Variants in IGHMBP2 observed in about 807,000 individuals in gnomAD.
IGHMBP2 encodes immunoglobulin mu DNA binding protein 2.
A neutral mutation model predicts 96.0 loss-of-function variants in IGHMBP2; 81 were observed. The ratio of observed to expected loss-of-function variants is 0.84; its 90% CI spans 0.71 to 1.01. The LOEUF is 1.01. IGHMBP2 is among the 50% of genes least tolerant of loss of function. The pLI is 0.00. For synonymous variants in IGHMBP2, 557 were observed against 548.9 expected, an observed-to-expected ratio of 1.01 and a Z score of -0.21; for missense variants, 1,227 against 1,306.3, an observed-to-expected ratio of 0.94 and a Z score of 0.94.
intron 7 of IGHMBP2, among the ~76,000 whole-genome samples, chr11:68,924,946 G>A (rs1214526910): frequency 1.3e-5 from 2 of 152,060 alleles, no homozygotes; most frequent in East Asian, 3.9e-4. Context: ...AAAACATTAT[G>A]AGATTTTTGT....
intron 7 of IGHMBP2, among the ~76,000 whole-genome samples, chr11:68,927,532 G>A (rs753072902): frequency 4.6e-5 from 7 of 152,212 alleles, no homozygotes; most frequent in Admixed American, 1.3e-4. Context: ...CCTGAGCCCT[G>A]TACATGTGTG....
intron 7 of IGHMBP2, among the ~76,000 whole-genome samples, chr11:68,923,351 C>A (rs478062): frequency 6.6e-6 from 1 of 151,978 alleles, no homozygotes; most frequent in Non-Finnish European, 1.5e-5. Flanking sequence ...TACAGGCATG[C>A]GCTACCATGC....
At chr11:68,938,417 A>G in intron 14 of IGHMBP2, 63 bp downstream of exon 14, 1 of 1,450,218 alleles carries the variant, frequency 6.9e-7, no homozygotes, top group Non-Finnish European at 9.4e-7. Context: ...CGTCTCCAGG[A>G]AGCAGACCCT....
chr11:68,912,516 T>G (rs1407412131), intron 5 of IGHMBP2, among the ~76,000 whole-genome samples: 1 of 11,860 alleles, frequency 8.4e-5, no homozygotes, highest in African/African-American at 1.6e-4. Context: ...CATGGAGAGT[T>G]TTTTTTTTTT....
At chr11:68,904,614 G>C (rs1858102268) in intron 1 of IGHMBP2, among the ~76,000 whole-genome samples, 1 of 152,062 alleles carries the variant, frequency 6.6e-6, no homozygotes, top group African/African-American at 2.4e-5. Flanking sequence ...AAGCTGGTGG[G>C]TGCGGAGTAG....
intron 7 of IGHMBP2, among the ~76,000 whole-genome samples, chr11:68,926,998 G>A (rs888510241): frequency 1.3e-4 from 20 of 152,226 alleles, no homozygotes; most frequent in Non-Finnish European, 2.6e-4. Flanking sequence ...TCCTGACTCA[G>A]GTGATCTACC....
At chr11:68,907,831 A>C (rs1456043699) in intron 2 of IGHMBP2, among the ~76,000 whole-genome samples, 3 of 151,892 alleles carry the variant, frequency 2.0e-5, no homozygotes, top group African/African-American at 7.3e-5. Flanking sequence ...CTGGGACCAC[A>C]GGTGCCCGCC....
chr11:68,908,130 T>G lies in IGHMBP2; in HGVS notation c.257-15T>G. ...TTCCCCAGTGTCTTGTGTCACTGAG[T>G]CTTTGTTTTTGCAGGTGATATCGTG... is the stretch of plus-strand genomic sequence containing the variant. On this transcript the variant is annotated splice_polypyrimidine_tract_variant and intron_variant, in intron 2 of 14. Coordinates refer to ENST00000255078, the MANE Select transcript of IGHMBP2 (RefSeq NM_002180.3). 6.2e-7 allele frequency: 1 copy of G among 1,610,316 alleles called. No homozygotes were observed. The highest frequency in any genetic ancestry group is 8.5e-7 in the Non-Finnish European group (1 of 1,176,962).
At chr11:68,931,837 C>T (rs1859315235) in intron 8 of IGHMBP2, among the ~76,000 whole-genome samples, 1 of 151,996 alleles carries the variant, frequency 6.6e-6, no homozygotes, top group African/African-American at 2.4e-5. Context: ...GGAACTGTGC[C>T]CTTGAGCAGG....
chr11:68,936,843 G>T lies in IGHMBP2; in HGVS notation c.2363G>T (p.Arg788Leu). 1 of 1,613,394 alleles carries T rather than the reference G, an allele frequency of 6.2e-7. No individual in the cohort carries two copies. Among genetic ancestry groups the T allele is most frequent in the Non-Finnish European group, 8.5e-7 (1 of 1,179,984 alleles). Reference sequence around the variant, plus strand: ...ATCACTGTGAGCAAGAGGGCCCCGCGACCCCGAGCAGCCCTGGGACCCCCA... The same window carrying T: ...ATCACTGTGAGCAAGAGGGCCCCGCTACCCCGAGCAGCCCTGGGACCCCCA... ...RFITVSKRAP[R>L]PRAALGPPAG... is the part of the protein sequence containing the mutation. Residue 788 changes from arginine (R) to leucine (L), a missense_variant, in exon 13 of 15, where the codon CGA (arginine) becomes CTA (leucine). Coordinates refer to ENST00000255078, the MANE Select transcript of IGHMBP2 (RefSeq NM_002180.3).
intron 6 of IGHMBP2, among the ~76,000 whole-genome samples, 172 bp downstream of exon 6, chr11:68,915,195 T>TG (rs1858611931): frequency 1.6e-5 from 2 of 123,568 alleles, no homozygotes; most frequent in African/African-American, 5.6e-5. Flanking sequence ...TTTTTTTTTT[T>TG]TGTGACAGAG....
rs747755991 is a variant in IGHMBP2 at position 68,936,721 on chromosome 11, T to C, written c.2241T>C (p.Pro747=). Residue 747 remains proline (P), a synonymous_variant, in exon 13 of 15, where the codon CCT becomes CCC. Transcript: ENST00000255078. ...MASKKMQLEF[P]PSLNSHDRLR... is the part of the protein sequence containing the mutation. ...GCAAGAAGATGCAGTTGGAGTTTCC[T>C]CCTTCCCTCAATTCCCACGACAGGC... 6.2e-7 allele frequency: 1 copy of C among 1,614,062 alleles called. No individual in the cohort carries two copies. Among genetic ancestry groups the C allele is most frequent in the South Asian group, 1.1e-5 (1 of 91,090 alleles).
chr11:68,934,217 A>C, intron 10 of IGHMBP2: 1 of 622,398 alleles, frequency 1.6e-6, no homozygotes, highest in Non-Finnish European at 2.9e-6. Flanking sequence ...CCATCTCCCC[A>C]GTTCCACGTT....
At chr11:68,931,034 C>A (rs1859276972) in intron 8 of IGHMBP2, among the ~76,000 whole-genome samples, 2 of 152,172 alleles carry the variant, frequency 1.3e-5, no homozygotes, top group African/African-American at 4.8e-5. Flanking sequence ...ACCATGAGTC[C>A]TCACTCTGGT....
chr11:68,921,061 AT>A (rs1220282008), intron 7 of IGHMBP2, among the ~76,000 whole-genome samples: 1 of 150,342 alleles, frequency 6.7e-6, no homozygotes. Flanking sequence ...CCTAAAGTGA[AT>A]TTTTTTGTAG....
intron 1 of IGHMBP2, 63 bp from the exon 2 acceptor site, chr11:68,906,006 C>T: frequency 6.7e-7 from 1 of 1,484,386 alleles, no homozygotes. Flanking sequence ...TTTTACTTTT[C>T]CTGGGTGGGT....
intron 7 of IGHMBP2, among the ~76,000 whole-genome samples, chr11:68,924,148 G>T (rs899007522): frequency 1.3e-5 from 2 of 152,126 alleles, no homozygotes; most frequent in Non-Finnish European, 2.9e-5. Flanking sequence ...TAACTGGCTG[G>T]GGGGGTTGTT....
chr11:68,938,989 A>G (rs1859651916), intron 14 of IGHMBP2, among the ~76,000 whole-genome samples: 1 of 152,016 alleles, frequency 6.6e-6, no homozygotes, highest in Admixed American at 6.6e-5. Flanking sequence ...GACCTGTGGG[A>G]CAGAAGGTGG....
At chr11:68,917,307 T>C (rs1245019337) in intron 6 of IGHMBP2, among the ~76,000 whole-genome samples, 1 of 152,154 alleles carries the variant, frequency 6.6e-6, no homozygotes, top group Non-Finnish European at 1.5e-5. Flanking sequence ...TTAAAGTAAG[T>C]TGAGGTTTTG....
Sources: allele counts gnomAD v4.1 joint callset (sites outside exome capture counted in the v4.1 genomes callset), GRCh38; gene constraint gnomAD v4.1.1; transcripts MANE v1.5; gene names NCBI Gene and HGNC (gene_info 2026-07-23, HGNC 2026-07-21).